PREX2: variants seen among roughly 807,000 people sequenced by gnomAD.
The protein encoded by PREX2 is phosphatidylinositol-3,4,5-trisphosphate dependent Rac exchange factor 2.
Under a neutral mutation model 203.2 loss-of-function variants are expected in PREX2, and 107 were observed. The ratio of observed to expected loss-of-function variants is 0.53; its 90% CI spans 0.45 to 0.62. PREX2 has a LOEUF of 0.62. Ranked by LOEUF, PREX2 falls within the 20% of genes least tolerant of loss-of-function variation. The probability of loss-of-function intolerance (pLI) is 0.00; values close to 1 mark genes in which losing one functional copy is unlikely to be tolerated. For synonymous variants in PREX2, 672 were observed against 663.6 expected (o/e 1.01, Z -0.19); for missense variants, 1,777 against 1,955.9 (o/e 0.91, Z 1.72).
At chr8:68,190,116 C>T (rs1000770671) in intron 35 of PREX2, among the ~76,000 whole-genome samples, 30 of 152,270 alleles carry the variant, frequency 2.0e-4, no homozygotes, top group Middle Eastern at 3.4e-3. Flanking sequence ...CGTTGTCGCT[C>T]ACTGATTTTG....
chr8:68,118,509 C>A, intron 26 of PREX2, 41 bp from the exon 27 acceptor site: 2 of 1,316,392 alleles, frequency 1.5e-6, no homozygotes, highest in Non-Finnish European at 2.2e-6. Flanking sequence ...GACACCTGGG[C>A]AGATGCACTC....
At chr8:68,090,859 T>G (rs1296229374) in intron 20 of PREX2, 144 bp downstream of exon 20, 2 of 556,254 alleles carry the variant, frequency 3.6e-6, no homozygotes, top group African/African-American at 3.8e-5. Flanking sequence ...TCATAATGAT[T>G]GCTTTATCTG....
chr8:68,000,176 A>T (rs1173949465), intron 1 of PREX2, among the ~76,000 whole-genome samples: 1 of 152,222 alleles, frequency 6.6e-6, no homozygotes, highest in African/African-American at 2.4e-5. Flanking sequence ...TGCAGATGAC[A>T]TGATCCTATA....
intron 31 of PREX2, among the ~76,000 whole-genome samples, chr8:68,129,280 G>A (rs1810956070): frequency 6.6e-6 from 1 of 152,006 alleles, no homozygotes; most frequent in African/African-American, 2.4e-5. Context: ...GGTGATTCTG[G>A]GATGCTTCGT....
chr8:68,087,188 A>T (rs762418858), intron 18 of PREX2, among the ~76,000 whole-genome samples: 3 of 152,198 alleles, frequency 2.0e-5, no homozygotes, highest in Non-Finnish European at 4.4e-5. Context: ...TAAGGAGCTT[A>T]TCTAAGTTAT....
At chr8:67,962,584 A>C (rs1805660119) in intron 1 of PREX2, among the ~76,000 whole-genome samples, 1 of 148,502 alleles carries the variant, frequency 6.7e-6, no homozygotes, top group South Asian at 2.1e-4. Flanking sequence ...ATATATAAAT[A>C]TATTTGTATT....
chr8:68,154,470 T>G (rs539188341), intron 34 of PREX2, among the ~76,000 whole-genome samples: 54 of 152,260 alleles, frequency 3.5e-4, no homozygotes, highest in Non-Finnish European at 6.8e-4. Flanking sequence ...AATTTTACTC[T>G]AATACATCAG....
chr8:68,127,448 C>T, intron 31 of PREX2, 29 bp downstream of exon 31: 1 of 1,522,844 alleles, frequency 6.6e-7, no homozygotes, highest in Non-Finnish European at 9.1e-7. Context: ...TTTTTTTTTA[C>T]TATTTAAGTG....
At chr8:68,059,732 T>C (rs1309865275) in intron 10 of PREX2, among the ~76,000 whole-genome samples, 1 of 152,130 alleles carries the variant, frequency 6.6e-6, no homozygotes, top group Non-Finnish European at 1.5e-5. Flanking sequence ...ATTGAGGCTC[T>C]GGGGAAAAGT....
intron 34 of PREX2, among the ~76,000 whole-genome samples, 178 bp downstream of exon 34, chr8:68,146,530 C>T (rs1172745137): frequency 1.3e-5 from 2 of 151,724 alleles, no homozygotes; most frequent in East Asian, 3.9e-4. Flanking sequence ...AAATATTTAC[C>T]AAATACAGTT....
At chr8:68,004,619 G>A (rs1807042242) in intron 1 of PREX2, among the ~76,000 whole-genome samples, 1 of 152,172 alleles carries the variant, frequency 6.6e-6, no homozygotes, top group Non-Finnish European at 1.5e-5. Flanking sequence ...GCTTAGTATT[G>A]ATGCAAGTAA....
intron 37 of PREX2, among the ~76,000 whole-genome samples, chr8:68,211,760 C>A (rs1812746735): frequency 6.6e-6 from 1 of 152,010 alleles, no homozygotes; most frequent in Non-Finnish European, 1.5e-5. Flanking sequence ...GGGGTTTGTA[C>A]AATGGTACTA....
chr8:68,162,708 C>T (rs923414248), intron 35 of PREX2, among the ~76,000 whole-genome samples: 1 of 152,038 alleles, frequency 6.6e-6, no homozygotes, highest in Non-Finnish European at 1.5e-5. Flanking sequence ...CCCAGCATGG[C>T]CAGGAGGAAA....
intron 35 of PREX2, among the ~76,000 whole-genome samples, chr8:68,179,233 G>A (rs1233802455): frequency 2.6e-5 from 4 of 152,090 alleles, no homozygotes; most frequent in Admixed American, 2.6e-4. Flanking sequence ...TTCAATTTTA[G>A]ACTTTTTTAG....
chr8:68,132,971 G>A (rs957385290), intron 31 of PREX2, among the ~76,000 whole-genome samples: 5 of 152,134 alleles, frequency 3.3e-5, no homozygotes, highest in Admixed American at 1.3e-4. Context: ...CAAAGTGGGT[G>A]TATTGGTCTA....
chr8:68,079,543 C>T (rs1189756272), intron 15 of PREX2, among the ~76,000 whole-genome samples: 6 of 151,450 alleles, frequency 4.0e-5, no homozygotes, highest in African/African-American at 9.7e-5. Flanking sequence ...AGGCCTGTCT[C>T]ATCACAAAAC....
intron 7 of PREX2, among the ~76,000 whole-genome samples, chr8:68,039,238 C>G (rs1808123590): frequency 6.6e-6 from 1 of 152,114 alleles, no homozygotes; most frequent in South Asian, 2.1e-4. Context: ...GTTCACTCTC[C>G]TCCACTGAGC....
In PREX2 at chr8:68,109,057, G is replaced by A. The variant is rs528927016; in HGVS notation, c.2939-359G>A. Reference sequence around the variant, plus strand: ...AGCAGGGCCTGGGGTGGTTGGGTGGGGGATTGAGAAGATGAAGGTCAAAGG... The same window carrying A: ...AGCAGGGCCTGGGGTGGTTGGGTGGAGGATTGAGAAGATGAAGGTCAAAGG... On this transcript the variant is annotated intron_variant, in intron 24 of 39. Transcript: ENST00000288368. 4 of 444,672 alleles carry A rather than the reference G, an allele frequency of 9.0e-6. No homozygotes were observed. The East Asian group carries it at 2.0e-4, about 23-fold the overall frequency. 27.5% of individuals were successfully genotyped at this position (444,672 alleles called of 1,614,324 possible).
chr8:68,055,726 A>C, intron 9 of PREX2, 104 bp from the exon 10 acceptor site: 1 of 1,064,228 alleles, frequency 9.4e-7, no homozygotes, highest in South Asian at 1.4e-5. Flanking sequence ...CACAACCCCC[A>C]GCACATGGTA....
Sources: gnomAD v4.1 joint callset for allele counts (sites outside exome capture counted in the v4.1 genomes callset) on GRCh38, gnomAD v4.1.1 for gene constraint, MANE v1.5 for transcripts, NCBI Gene and HGNC (gene_info 2026-07-23, HGNC 2026-07-21) for gene names.